The following NEGR1 variants were observed in gnomAD, a reference collection of about 807,000 sequenced individuals.
NEGR1 encodes IgLON family member 4.
Under a neutral mutation model 40.9 loss-of-function variants are expected in NEGR1, and 10 were observed. The ratio of observed to expected loss-of-function variants is 0.24; its 90% CI spans 0.15 to 0.42. NEGR1 has a LOEUF of 0.42. Ranked by LOEUF, NEGR1 falls within the 10% of genes least tolerant of loss-of-function variation. NEGR1 has a pLI of 1.00. For missense variants in NEGR1, 352 were observed against 438.9 expected (o/e 0.80, Z 1.77); for synonymous variants, 185 against 166.8 (o/e 1.11, Z -0.84).
In NEGR1 at chr1:71,741,144, G is replaced by C. The variant is rs950066311; in HGVS notation, c.535+35028C>G. ...AGAGCATTCATTACTGCTCTAAGAA[G>C]AAGACACCCAGAGTCTGGGGTTGAT... On this transcript the variant is annotated intron_variant, in intron 3 of 6. Coordinates refer to ENST00000357731, the MANE Select transcript of NEGR1 (RefSeq NM_173808.3). Among the ~76,000 whole-genome samples the C allele has an allele frequency of 1.2e-4, 18 of 152,280 alleles. No individual in the cohort carries two copies. The South Asian group carries it at 3.7e-3, about 32-fold the overall frequency.
intron 1 of NEGR1, among the ~76,000 whole-genome samples, chr1:72,120,719 T>C (rs1319102650): frequency 6.6e-6 from 1 of 151,972 alleles, no homozygotes; most frequent in Non-Finnish European, 1.5e-5. Context: ...GTCTATGTGA[T>C]CTCATTGTTC....
chr1:71,987,475 C>T (rs943274334), intron 1 of NEGR1, among the ~76,000 whole-genome samples: 2 of 152,114 alleles, frequency 1.3e-5, no homozygotes, highest in Non-Finnish European at 2.9e-5. Context: ...ATAACGCCGA[C>T]CAAATAGTAC....
At chr1:71,985,112 C>T (rs1004748792) in intron 1 of NEGR1, among the ~76,000 whole-genome samples, 5 of 152,066 alleles carry the variant, frequency 3.3e-5, no homozygotes, top group Non-Finnish European at 5.9e-5. Flanking sequence ...GGGATCTTAT[C>T]CTCTACATCA....
chr1:71,808,929 C>G (rs1657880839), intron 2 of NEGR1, among the ~76,000 whole-genome samples: 1 of 152,012 alleles, frequency 6.6e-6, no homozygotes, highest in Admixed American at 6.6e-5. Context: ...CTATATATGC[C>G]AATTCATCAC....
At chr1:71,482,689 T>G (rs901409902) in intron 6 of NEGR1, among the ~76,000 whole-genome samples, 8 of 151,906 alleles carry the variant, frequency 5.3e-5, no homozygotes, top group Non-Finnish European at 1.0e-4. Context: ...TCAAACCGCG[T>G]AAGGCAAATA....
Position 71,398,651 on chromosome 1 carries a change from T to G in NEGR1, c.*8795A>C, listed in dbSNP as rs1252626396. ...TTTAGACTGTGGACTTTTGAGATAGTGCTGAAATGAGTTAAGACTTTGAGG... is the reference window on the plus strand; with the variant it reads ...TTTAGACTGTGGACTTTTGAGATAGGGCTGAAATGAGTTAAGACTTTGAGG... On this transcript the variant is annotated 3_prime_UTR_variant, in exon 7 of 7. Transcript: ENST00000357731. The G allele has an allele frequency of 2.6e-5, 4 of 152,168 alleles. No individual in the cohort carries two copies. Among genetic ancestry groups the G allele is most frequent in the Admixed American group, 2.6e-4 (4 of 15,274 alleles). The allele number at this position is 152,168 out of a possible 1,614,324, so 9.4% of individuals were successfully genotyped here.
intron 3 of NEGR1, among the ~76,000 whole-genome samples, chr1:71,699,956 T>A (rs1193276081): frequency 6.6e-6 from 1 of 151,950 alleles, no homozygotes; most frequent in Non-Finnish European, 1.5e-5. Flanking sequence ...TTCTGAGGCA[T>A]CCTCAGCCAT....
chr1:71,689,999 G>C (rs1221263374), intron 4 of NEGR1, among the ~76,000 whole-genome samples: 2 of 151,894 alleles, frequency 1.3e-5, no homozygotes, highest in Non-Finnish European at 2.9e-5. Context: ...ATGTACCAAG[G>C]ATGTTTCCCC....
At chr1:71,777,374 A>T (rs945170781) in intron 2 of NEGR1, among the ~76,000 whole-genome samples, 3 of 152,096 alleles carry the variant, frequency 2.0e-5, no homozygotes, top group Admixed American at 6.6e-5. Flanking sequence ...TTATTATTAG[A>T]TGCTATTAAA....
chr1:71,973,493 A>T (rs1646276146), intron 1 of NEGR1, among the ~76,000 whole-genome samples: 1 of 152,142 alleles, frequency 6.6e-6, no homozygotes. Flanking sequence ...AGCTCTAGAA[A>T]TCTAATAGAG....
At chr1:71,973,430 A>C (rs952504318) in intron 1 of NEGR1, among the ~76,000 whole-genome samples, 15 of 152,158 alleles carry the variant, frequency 9.9e-5, no homozygotes, top group African/African-American at 3.6e-4. Flanking sequence ...GAGAGATCAA[A>C]TAATAAATAT....
rs185135189 is a variant in NEGR1, at chr1:72,154,201, G to A, written c.176+128118C>T. ...GCCAATAGGTTTGATGCAATGAAGA[G>A]GGAGACAATTAAGACACAGAAGTGA... On this transcript the variant is annotated intron_variant, in intron 1 of 6. Coordinates refer to ENST00000357731, the MANE Select transcript of NEGR1 (RefSeq NM_173808.3). 8.4e-4 allele frequency among the ~76,000 whole-genome samples: 128 copies of A among 151,854 alleles called. 1 individual carries two copies. The highest frequency in any genetic ancestry group is 2.9e-3 in the African/African-American group (121 of 41,488).
chr1:71,753,905 C>A (rs1051532738), intron 3 of NEGR1, among the ~76,000 whole-genome samples: 2 of 152,092 alleles, frequency 1.3e-5, no homozygotes, highest in African/African-American at 4.8e-5. Context: ...CTGTTACAGA[C>A]CACAAGGAAA....
intron 4 of NEGR1, among the ~76,000 whole-genome samples, chr1:71,657,266 G>C (rs562169701): frequency 1.3e-5 from 2 of 152,230 alleles, no homozygotes; most frequent in East Asian, 1.9e-4. Context: ...ATTCTGTCTC[G>C]ACCTTTAAAG....
chr1:71,771,272 G>A (rs1656310563), intron 3 of NEGR1, among the ~76,000 whole-genome samples: 1 of 152,078 alleles, frequency 6.6e-6, no homozygotes, highest in Non-Finnish European at 1.5e-5. Context: ...CACAGGGAGG[G>A]GAGCATCACA....
intron 1 of NEGR1, among the ~76,000 whole-genome samples, chr1:72,050,089 C>T (rs940472143): frequency 7.9e-5 from 12 of 151,312 alleles, no homozygotes; most frequent in Non-Finnish European, 1.2e-4. Flanking sequence ...AAGTCCACTG[C>T]TTTTCTAGAT....
intron 1 of NEGR1, among the ~76,000 whole-genome samples, chr1:71,951,972 T>G (rs916996866): frequency 6.6e-6 from 1 of 151,946 alleles, no homozygotes; most frequent in African/African-American, 2.4e-5. Context: ...AGTTAATAAA[T>G]GTTGTCTGTG....
rs747065278 is a variant in NEGR1 at position 71,406,197 on chromosome 1, T to C, written c.*1249A>G. On this transcript the variant is annotated 3_prime_UTR_variant, in exon 7 of 7. Coordinates refer to ENST00000357731, the MANE Select transcript of NEGR1 (RefSeq NM_173808.3). ...ATTGAAGAATTAGCTATTTTAGAGA[T>C]TGGTCTGCTACATACCGATATAGAA... 1 of 151,934 alleles carries C rather than the reference T, an allele frequency of 6.6e-6. No individual in the cohort carries two copies. Among genetic ancestry groups the C allele is most frequent in the Non-Finnish European group, 1.5e-5 (1 of 67,876 alleles). The allele number at this position is 151,934 out of a possible 1,614,324, so 9.4% of individuals were successfully genotyped here. A position where few individuals can be genotyped will look rare whatever the true frequency, so the allele number is the denominator to read the frequency against.
chr1:71,771,722 A>AAAAAAAAAGGG (rs1656333440), intron 3 of NEGR1, among the ~76,000 whole-genome samples: 1 of 148,272 alleles, frequency 6.7e-6, no homozygotes, highest in South Asian at 2.1e-4. Context: ...AAAAAAAAAA[A>AAAAAAAAAGGG]GGTGTGAATC....
Sources: gnomAD v4.1 joint callset for allele counts (sites outside exome capture counted in the v4.1 genomes callset) on GRCh38, gnomAD v4.1.1 for gene constraint, MANE v1.5 for transcripts, NCBI Gene and HGNC (gene_info 2026-07-23, HGNC 2026-07-21) for gene names.